Variants in ZFHX3 observed in about 807,000 individuals in gnomAD.
ZFHX3 encodes the protein zinc finger homeobox 3, also known as zinc finger homeobox protein 3.
Under a neutral mutation model 279.1 loss-of-function variants are expected in ZFHX3, and 42 were observed. That is an observed-to-expected ratio of 0.15 (90% CI 0.12 to 0.19). The LOEUF (loss-of-function observed/expected upper bound fraction) is 0.19. Ranked by LOEUF, ZFHX3 falls within the 10% of genes least tolerant of loss-of-function variation. ZFHX3 has a pLI of 1.00. For missense variants in ZFHX3, 4,981 were observed against 4,754.0 expected, an observed-to-expected ratio of 1.05 and a Z score of -1.40; for synonymous variants, 2,293 against 1,957.8, an observed-to-expected ratio of 1.17 and a Z score of -4.52.
At chr16:72,844,791 G>C (rs1350666502) in intron 4 of ZFHX3, among the ~76,000 whole-genome samples, 1 of 152,128 alleles carries the variant, frequency 6.6e-6, no homozygotes, top group Non-Finnish European at 1.5e-5. Flanking sequence ...CTATGCATTT[G>C]TGGCATTGGT....
chr16:73,194,725 A>G (rs534623635), intron 5 of ZFHX3, among the ~76,000 whole-genome samples: 2 of 152,310 alleles, frequency 1.3e-5, no homozygotes, highest in Admixed American at 6.5e-5. Context: ...TCCACACCCA[A>G]TTCACACTGC....
intron 1 of ZFHX3, among the ~76,000 whole-genome samples, chr16:73,024,027 A>G (rs1964408165): frequency 6.6e-6 from 1 of 152,168 alleles, no homozygotes; most frequent in Non-Finnish European, 1.5e-5. Flanking sequence ...ATTACCATTA[A>G]ACAACATGCA....
rs186514172 is a variant in ZFHX3, at chr16:73,470,269, G to A, written c.-1546-14011C>T. ...TCAACGCATCATCTACTTATGCAAA[G>A]CTGTCTCGTCCTGTAATAAGCAAGC... On this transcript the variant is annotated intron_variant, in intron 2 of 17. Transcript: ENST00000641206. Among the ~76,000 whole-genome samples the A allele has an allele frequency of 7.7e-4, 118 of 152,268 alleles. 3 individuals are homozygous for A. Among genetic ancestry groups the A allele is most frequent in the Admixed American group, 7.7e-3 (117 of 15,282 alleles).
intron 2 of ZFHX3, among the ~76,000 whole-genome samples, chr16:73,542,626 T>C (rs1464368559): frequency 6.6e-6 from 1 of 152,186 alleles, no homozygotes; most frequent in Non-Finnish European, 1.5e-5. Context: ...TAGCAGGAAA[T>C]ATCTGGATTT....
chr16:73,264,718 T>C lies in ZFHX3; in HGVS notation c.-1193-7582A>G, dbSNP rs189598772. 1.6e-3 allele frequency among the ~76,000 whole-genome samples: 242 copies of C among 152,226 alleles called. 4 individuals carry two copies. The South Asian group carries it at 0.027, about 17-fold the overall frequency. On this transcript the variant is annotated intron_variant, in intron 4 of 17. Coordinates refer to the ZFHX3 transcript ENST00000641206. ...TACAGTGAACCCAGTTTCTAGTCCTTTATCTCTTACATCCTTCCCAAGCTT... is the reference window on the plus strand; with the variant it reads ...TACAGTGAACCCAGTTTCTAGTCCTCTATCTCTTACATCCTTCCCAAGCTT...
chr16:73,373,565 G>C (rs2016670234), intron 3 of ZFHX3, among the ~76,000 whole-genome samples: 1 of 152,166 alleles, frequency 6.6e-6, no homozygotes, highest in African/African-American at 2.4e-5. Context: ...AGAAAACCGA[G>C]CTACCACCAA....
chr16:73,729,330 C>T (rs1006378427), intron 1 of ZFHX3, among the ~76,000 whole-genome samples: 1 of 152,172 alleles, frequency 6.6e-6, no homozygotes, highest in South Asian at 2.1e-4. Context: ...AGTTCGAGAC[C>T]AGCCTGGTCA....
chr16:72,925,207 G>A (rs902439085), intron 3 of ZFHX3, among the ~76,000 whole-genome samples: 6 of 152,168 alleles, frequency 3.9e-5, no homozygotes, highest in Admixed American at 2.0e-4. Context: ...GAAATCGGTC[G>A]TGAGGCTGCC....
chr16:73,133,396 C>G (rs1966731340), intron 6 of ZFHX3, among the ~76,000 whole-genome samples: 1 of 152,068 alleles, frequency 6.6e-6, no homozygotes, highest in Admixed American at 6.6e-5. Context: ...GTGGCGAGTG[C>G]CTGTAGTCCC....
At chr16:72,994,497 A>C (rs968149419) in intron 1 of ZFHX3, among the ~76,000 whole-genome samples, 30 of 152,322 alleles carry the variant, frequency 2.0e-4, no homozygotes, top group African/African-American at 6.3e-4. Context: ...AGAGTGCATT[A>C]ACAGAACCTC....
chr16:73,300,009 C>G (rs1170503469), intron 4 of ZFHX3, among the ~76,000 whole-genome samples: 1 of 152,128 alleles, frequency 6.6e-6, no homozygotes, highest in East Asian at 1.9e-4. Context: ...ATTGCTTTGG[C>G]TTTTTTCAGT....
In ZFHX3 at chr16:72,785,507, T is replaced by C. The variant is rs1039990407; in HGVS notation, c.*1657A>G. 3.3e-5 allele frequency: 5 copies of C among 152,662 alleles called. No individual in the cohort carries two copies. Among genetic ancestry groups the C allele is most frequent in the African/African-American group, 1.2e-4 (5 of 41,460 alleles). The allele number at this position is 152,662 out of a possible 1,614,324, so 9.5% of individuals were successfully genotyped here. On this transcript the variant is annotated 3_prime_UTR_variant, in exon 10 of 10. Coordinates refer to ENST00000268489, the MANE Select transcript of ZFHX3 (RefSeq NM_006885.4). ...AACCTGGGAATCTTTTGTTTTTCTC[T>C]TTCTTTTATTAAACTAAGTCTTGTT...
intron 1 of ZFHX3, among the ~76,000 whole-genome samples, chr16:73,036,422 G>A (rs1040070154): frequency 1.3e-5 from 2 of 152,146 alleles, no homozygotes; most frequent in African/African-American, 2.4e-5. Flanking sequence ...GCTTTGTGGG[G>A]GGAAAAGGAG....
intron 3 of ZFHX3, among the ~76,000 whole-genome samples, chr16:73,443,225 C>A (rs970549445): frequency 6.6e-5 from 10 of 151,988 alleles, no homozygotes. Context: ...AATTTGCAAG[C>A]ATGGGGAGCA....
At chr16:73,401,406 A>ACACACACACCCC (rs374561909) in intron 3 of ZFHX3, 6 of 149,252 alleles carry the variant, frequency 4.0e-5, no homozygotes, top group Non-Finnish European at 8.9e-5. Flanking sequence ...ACACACACAC[A>ACACACACACCCC]CCTCAAAAGC....
At chr16:73,210,829 C>CT (rs963250341) in intron 5 of ZFHX3, among the ~76,000 whole-genome samples, 30 of 149,524 alleles carry the variant, frequency 2.0e-4, no homozygotes, top group Admixed American at 5.3e-4. Flanking sequence ...ATCTTAGCTT[C>CT]TTTTTTTTTT....
At chr16:73,779,989 CCCAAGCCTTTCTAAGACT>C (rs1959400791) in intron 1 of ZFHX3, among the ~76,000 whole-genome samples, 1 of 49,106 alleles carries the variant, frequency 2.0e-5, no homozygotes, top group African/African-American at 1.5e-4. Flanking sequence ...AGCACTGGAT[CCCAAGCCTTTCTAAGACT>C]TTTTTTTCTC....
intron 5 of ZFHX3, among the ~76,000 whole-genome samples, chr16:73,209,791 G>C (rs1354595620): frequency 6.6e-6 from 1 of 152,126 alleles, no homozygotes; most frequent in African/African-American, 2.4e-5. Context: ...GTACACTTGT[G>C]AGAGAATGAA....
intron 3 of ZFHX3, among the ~76,000 whole-genome samples, chr16:73,382,598 G>C (rs996977695): frequency 2.1e-4 from 32 of 152,220 alleles, no homozygotes; most frequent in Non-Finnish European, 1.0e-4. Context: ...AGGGAGGCTG[G>C]CTGGAATGTT....
Sources: allele counts gnomAD v4.1 joint callset (sites outside exome capture counted in the v4.1 genomes callset), GRCh38; gene constraint gnomAD v4.1.1; transcripts MANE v1.5; gene names NCBI Gene and HGNC (gene_info 2026-07-23, HGNC 2026-07-21).